EYS: variants seen among roughly 807,000 people sequenced by gnomAD.
EYS encodes the protein EGF-like photoreceptor maintenance factor.
A neutral mutation model predicts 282.1 loss-of-function variants in EYS; 250 were observed. That is an observed-to-expected ratio of 0.89 (90% CI 0.80 to 0.98). EYS has a LOEUF of 0.98. EYS is among the 50% of genes least tolerant of loss of function. EYS has a pLI of 0.00. For missense variants in EYS, 4,016 were observed against 3,709.0 expected (o/e 1.08, Z -2.15); for synonymous variants, 1,355 against 1,282.9 (o/e 1.06, Z -1.20).
rs779640516 is a variant in EYS at position 65,495,265 on chromosome 6, A to G, written c.146T>C (p.Ile49Thr). Reference protein sequence around the residue: ...YVVNWTLTENICLDFYRDCWF... With the variant: ...YVVNWTLTENTCLDFYRDCWF... ...GCAATCTCTGTAGAAGTCCAAGCAGATGTTTTCTGTTAGTGTCCAATTTAC... is the reference window on the plus strand; with the variant it reads ...GCAATCTCTGTAGAAGTCCAAGCAGGTGTTTTCTGTTAGTGTCCAATTTAC... The change falls in exon 4 of 43, where the codon ATC (isoleucine) becomes ACC (threonine). Residue 49 changes from isoleucine (I) to threonine (T), a missense_variant. Physicochemically the swap from Ile to Thr is moderately conservative, Grantham distance 89. Transcript: ENST00000503581. 2 of 1,614,108 alleles carry G rather than the reference A, an allele frequency of 1.2e-6. No individual in the cohort carries two copies. The highest frequency in any genetic ancestry group is 1.7e-6 in the Non-Finnish European group (2 of 1,180,016).
At chr6:65,478,897 A>G (rs1765501195) in intron 5 of EYS, among the ~76,000 whole-genome samples, 1 of 152,182 alleles carries the variant, frequency 6.6e-6, no homozygotes, top group Non-Finnish European at 1.5e-5. Flanking sequence ...AATTCTGTAT[A>G]AAAACACACA....
At chr6:64,899,167 C>A (rs537835914) in intron 18 of EYS, among the ~76,000 whole-genome samples, 77 of 152,222 alleles carry the variant, frequency 5.1e-4, no homozygotes, top group African/African-American at 1.8e-3. Context: ...CTTCTTAGCA[C>A]CACATAGCAC....
intron 29 of EYS, among the ~76,000 whole-genome samples, chr6:64,372,119 T>A (rs1371176902): frequency 6.8e-6 from 1 of 147,774 alleles, no homozygotes; most frequent in Non-Finnish European, 1.5e-5. Context: ...ATCACTGGTC[T>A]GTATACTTGT....
At chr6:64,645,709 A>C (rs1768325913) in intron 22 of EYS, among the ~76,000 whole-genome samples, 1 of 150,586 alleles carries the variant, frequency 6.6e-6, no homozygotes, top group Admixed American at 6.7e-5. Context: ...ATAATAAATG[A>C]AAAAATAAAC....
At chr6:64,707,407 C>T (rs6929896) in intron 22 of EYS, among the ~76,000 whole-genome samples, 141,881 of 151,842 alleles carry the variant, frequency 0.93, 66,469 homozygotes, top group East Asian at 0.98. Flanking sequence ...TGGTGGCTCA[C>T]GCCTGTAATC....
intron 28 of EYS, among the ~76,000 whole-genome samples, chr6:64,418,673 G>C (rs1774134542): frequency 6.6e-6 from 1 of 152,074 alleles, no homozygotes; most frequent in Non-Finnish European, 1.5e-5. Flanking sequence ...ATTAAGTTGA[G>C]ATGTAGAAAA....
At chr6:64,134,382 CA>C (rs141431431) in intron 31 of EYS, among the ~76,000 whole-genome samples, 12,795 of 145,440 alleles carry the variant, frequency 0.088, 1,674 homozygotes, top group African/African-American at 0.29. Flanking sequence ...ATGTTTTTAG[CA>C]AAAAAAAAAT....
chr6:64,514,200 T>G (rs1777494033), intron 26 of EYS, among the ~76,000 whole-genome samples: 1 of 151,758 alleles, frequency 6.6e-6, no homozygotes, highest in Admixed American at 6.6e-5. Flanking sequence ...TTATGATTTA[T>G]GATTATGTGC....
At chr6:65,075,476 C>T (rs990561623) in intron 12 of EYS, among the ~76,000 whole-genome samples, 1 of 151,824 alleles carries the variant, frequency 6.6e-6, no homozygotes, top group African/African-American at 2.4e-5. Flanking sequence ...ATGTGTTTTT[C>T]TATATAGTTT....
chr6:63,904,510 C>T (rs1246425036), intron 35 of EYS, among the ~76,000 whole-genome samples: 1 of 152,182 alleles, frequency 6.6e-6, no homozygotes, highest in Non-Finnish European at 1.5e-5. Context: ...TTCGGCTCCT[C>T]ATCCTGGATA....
intron 7 of EYS, among the ~76,000 whole-genome samples, chr6:65,395,108 G>A (rs990767606): frequency 2.6e-5 from 4 of 152,206 alleles, no homozygotes; most frequent in Non-Finnish European, 5.9e-5. Context: ...TTGTGGCCCA[G>A]GCCGGAGTGC....
chr6:64,275,085 G>C (rs1241779864), intron 30 of EYS, among the ~76,000 whole-genome samples: 1 of 152,176 alleles, frequency 6.6e-6, no homozygotes, highest in Non-Finnish European at 1.5e-5. Flanking sequence ...TTGGTGACTG[G>C]TAATGGGATT....
intron 13 of EYS, among the ~76,000 whole-genome samples, chr6:65,054,221 C>T (rs993737401): frequency 2.6e-5 from 4 of 151,834 alleles, no homozygotes; most frequent in Non-Finnish European, 5.9e-5. Context: ...AGTACCTTAA[C>T]CTTAGTGGTG....
intron 31 of EYS, among the ~76,000 whole-genome samples, chr6:64,202,548 T>G (rs968328614): frequency 6.6e-6 from 1 of 152,222 alleles, no homozygotes; most frequent in Non-Finnish European, 1.5e-5. Context: ...TAGGTCTACA[T>G]GAAGAAGCAT....
At chr6:64,680,007 G>C (rs1769841181) in intron 22 of EYS, among the ~76,000 whole-genome samples, 1 of 151,868 alleles carries the variant, frequency 6.6e-6, no homozygotes, top group African/African-American at 2.4e-5. Context: ...AATAAATTAG[G>C]TTCCACATGT....
chr6:64,999,472 G>GT (rs1320430586), intron 13 of EYS, among the ~76,000 whole-genome samples: 1 of 152,076 alleles, frequency 6.6e-6, no homozygotes, highest in African/African-American at 2.4e-5. Flanking sequence ...GGGAAGGGAA[G>GT]TGCTGGGTAG....
chr6:63,896,084 T>G (rs1773531511), intron 35 of EYS, among the ~76,000 whole-genome samples: 2 of 152,210 alleles, frequency 1.3e-5, no homozygotes, highest in Admixed American at 1.3e-4. Flanking sequence ...TGTAAATTTC[T>G]TCAAAGACCA....
intron 2 of EYS, among the ~76,000 whole-genome samples, chr6:65,562,684 T>C (rs1769113268): frequency 6.6e-6 from 1 of 152,038 alleles, no homozygotes; most frequent in South Asian, 2.1e-4. Flanking sequence ...CTTCAGTAGA[T>C]ATGACTTATA....
intron 26 of EYS, among the ~76,000 whole-genome samples, chr6:64,508,601 A>C (rs1777287887): frequency 6.9e-6 from 1 of 145,444 alleles, no homozygotes; most frequent in Non-Finnish European, 1.5e-5. Flanking sequence ...TTGGGCTTGG[A>C]CTCAAGTGCC....
Sources: gnomAD v4.1 joint callset for allele counts (sites outside exome capture counted in the v4.1 genomes callset) on GRCh38, gnomAD v4.1.1 for gene constraint, MANE v1.5 for transcripts, NCBI Gene and HGNC (gene_info 2026-07-23, HGNC 2026-07-21) for gene names.